The following HMGA2 variants were observed in gnomAD, a reference collection of about 807,000 sequenced individuals.
HMGA2 encodes high mobility group protein HMGI-C.
A neutral mutation model predicts 19.1 loss-of-function variants in HMGA2; 8 were observed. That is an observed-to-expected ratio of 0.42 (90% CI 0.25 to 0.76). The LOEUF (loss-of-function observed/expected upper bound fraction) is 0.76, where lower values mean the gene tolerates loss of function less well. Ranked by LOEUF, HMGA2 falls within the 30% of genes least tolerant of loss-of-function variation. The pLI is 0.28. For synonymous variants in HMGA2, 60 were observed against 48.8 expected (o/e 1.23, Z -0.96); for missense variants, 109 against 136.3 (o/e 0.80, Z 1.00).
intron 3 of HMGA2, among the ~76,000 whole-genome samples, chr12:65,894,563 A>G (rs1874045801): frequency 6.6e-6 from 1 of 152,228 alleles, no homozygotes; most frequent in Non-Finnish European, 1.5e-5. Context: ...AACTCTAATA[A>G]TAAAGCTTTT....
intron 3 of HMGA2, among the ~76,000 whole-genome samples, chr12:65,868,694 T>C (rs908663728): frequency 6.6e-6 from 1 of 152,204 alleles, no homozygotes; most frequent in Non-Finnish European, 1.5e-5. Flanking sequence ...AATCATGACA[T>C]AGCAGAAAAA....
intron 3 of HMGA2, among the ~76,000 whole-genome samples, chr12:65,919,792 A>G (rs1007636425): frequency 1.3e-5 from 2 of 152,252 alleles, no homozygotes; most frequent in African/African-American, 2.4e-5. Context: ...TTTTCACCAG[A>G]TGGTGTTCAG....
At position 65,965,187 on chromosome 12, in the gene HMGA2, A is replaced by G. The variant is rs1042735; in HGVS notation, c.*1895A>G. 1.0e-5 allele frequency: 2 copies of G among 200,176 alleles called. No homozygotes were observed. The highest frequency in any genetic ancestry group is 1.6e-4 in the East Asian group (2 of 12,800). 12.4% of individuals were successfully genotyped at this position (200,176 alleles called of 1,614,324 possible). ...TGAAGCTTTGTAGGTGAGATGCAAC[A>G]AGCCCTGCTTTTGCATAATGCAATC... On this transcript the variant is annotated 3_prime_UTR_variant, in exon 5 of 5. Transcript: ENST00000403681.
In HMGA2 at chr12:65,825,179, C is replaced by A. The variant is rs1870084593; in HGVS notation, c.-92C>A. 8.6e-7 allele frequency: 1 copy of A among 1,165,648 alleles called. No homozygotes were observed. Among genetic ancestry groups the A allele is most frequent in the Non-Finnish European group, 1.2e-6 (1 of 832,990 alleles). The allele number at this position is 1,165,648 out of a possible 1,614,324, so 72.2% of individuals were successfully genotyped here. On this transcript the variant is annotated 5_prime_UTR_variant, in exon 1 of 5. Coordinates refer to ENST00000403681, the MANE Select transcript of HMGA2 (RefSeq NM_003483.6). This position sits in a 1 kb window ranked among gnomAD's most constrained non-coding sequence, Gnocchi z 4.4. Reference sequence around the variant, plus strand: ...GCGCTCGCCCCGCCGGCGTCCCCAGCCCTATCACCTCATCTCCCGAAAGGT... The same window carrying A: ...GCGCTCGCCCCGCCGGCGTCCCCAGACCTATCACCTCATCTCCCGAAAGGT...
intron 3 of HMGA2, among the ~76,000 whole-genome samples, chr12:65,877,333 T>C (rs1873098112): frequency 2.0e-5 from 3 of 152,128 alleles, no homozygotes; most frequent in Non-Finnish European, 2.9e-5. Flanking sequence ...TTATTTGCCC[T>C]GTGGAAGTAG....
At chr12:65,918,409 A>T (rs1565732263) in intron 3 of HMGA2, among the ~76,000 whole-genome samples, 1 of 152,214 alleles carries the variant, frequency 6.6e-6, no homozygotes, top group African/African-American at 2.4e-5. Context: ...AGGGCTGGTG[A>T]GAAAACTTGG....
At position 65,914,613 on chromosome 12, in the gene HMGA2, T is replaced by C. The variant is rs373735018; in HGVS notation, c.250-36770T>C. On this transcript the variant is annotated intron_variant, in intron 3 of 4. Transcript: ENST00000403681. The stretch of plus-strand genomic sequence containing the variant: ...ACATATGTAACTAACCTGCACAATG[T>C]GCACATGTACCCTAAAACTTAAAGT... The C allele has an allele frequency of 4.8e-5, 13 of 271,482 alleles. No homozygotes were observed. In the East Asian group the frequency reaches 6.1e-4, roughly 13 times the overall value. The allele number at this position is 271,482 out of a possible 1,614,324, so 16.8% of individuals were successfully genotyped here. A position where few individuals can be genotyped will look rare whatever the true frequency, so the allele number is the denominator to read the frequency against.
At chr12:65,840,961 A>G (rs1870969630) in intron 3 of HMGA2, among the ~76,000 whole-genome samples, 1 of 152,138 alleles carries the variant, frequency 6.6e-6, no homozygotes, top group Non-Finnish European at 1.5e-5. Context: ...TCCATAGGTT[A>G]GAGTCCTGTC....
chr12:65,850,535 AAAAAAAGAC>A (rs1871417750), intron 3 of HMGA2, among the ~76,000 whole-genome samples: 2 of 151,928 alleles, frequency 1.3e-5, no homozygotes, highest in Non-Finnish European at 2.9e-5. Context: ...TTTTTACTAA[AAAAAAAGAC>A]TTTTCTGCTG....
chr12:65,917,980 A>G (rs1875169517), intron 3 of HMGA2, among the ~76,000 whole-genome samples: 1 of 152,236 alleles, frequency 6.6e-6, no homozygotes, highest in African/African-American at 2.4e-5. Flanking sequence ...GTAGTCAGTG[A>G]AAACATCCAG....
chr12:65,944,682 T>C (rs1180772193), intron 3 of HMGA2, among the ~76,000 whole-genome samples: 1 of 152,178 alleles, frequency 6.6e-6, no homozygotes, highest in African/African-American at 2.4e-5. Context: ...CTTATCTTGA[T>C]TGTATGGGAT....
In HMGA2 at chr12:65,828,107, G is replaced by T; in HGVS notation, c.198+20G>T. On this transcript the variant is annotated intron_variant, in intron 2 of 4. Coordinates refer to ENST00000403681, the MANE Select transcript of HMGA2 (RefSeq NM_003483.6). ...CAAAAGGTGAGATTTCTCAAGTCAA[G>T]CTCTCCTAACTTCATCAATGACTGA... 2.5e-6 allele frequency: 4 copies of T among 1,570,670 alleles called. No homozygotes were observed. The highest frequency in any genetic ancestry group is 3.5e-6 in the Non-Finnish European group (4 of 1,140,450).
chr12:65,825,125 C>CA lies in HMGA2; in HGVS notation c.-144dup. ...ATGGTGGCAGCGGCGGCAGCCTAAG[C>CA]AACAGCAGCCCTCGCAGCCCGCCAG... On this transcript the variant is annotated 5_prime_UTR_variant, in exon 1 of 5. Transcript: ENST00000403681. This position sits in a 1 kb window ranked among gnomAD's most constrained non-coding sequence, Gnocchi z 4.4. The CA allele has an allele frequency of 1.7e-6, 1 of 603,248 alleles. No homozygotes were observed. Among genetic ancestry groups the CA allele is most frequent in the Non-Finnish European group, 2.7e-6 (1 of 366,286 alleles). The allele number at this position is 603,248 out of a possible 1,614,324, so 37.4% of individuals were successfully genotyped here.
chr12:65,934,801 A>C (rs997403055), intron 3 of HMGA2: 1 of 152,152 alleles, frequency 6.6e-6, no homozygotes, highest in Non-Finnish European at 1.5e-5. Context: ...CTCCCTGAAG[A>C]CCCTGCATGA....
chr12:65,897,315 T>C (rs1453101326), intron 3 of HMGA2, among the ~76,000 whole-genome samples: 1 of 152,232 alleles, frequency 6.6e-6, no homozygotes, highest in Non-Finnish European at 1.5e-5. Context: ...AACACTGTTT[T>C]TTTGATGAAA....
At chr12:65,846,936 C>G (rs1339339423) in intron 3 of HMGA2, among the ~76,000 whole-genome samples, 1 of 152,144 alleles carries the variant, frequency 6.6e-6, no homozygotes, top group Non-Finnish European at 1.5e-5. Context: ...AATTAAATTA[C>G]AGTTTTCAAG....
chr12:65,964,166 A>T lies in HMGA2; in HGVS notation c.*874A>T, dbSNP rs80299335. Reference sequence around the variant, plus strand: ...TTAAGGAAACTAGACAAGTAAAATTATCCTCTTTGTAATTTAATGAAAAGG... The same window carrying T: ...TTAAGGAAACTAGACAAGTAAAATTTTCCTCTTTGTAATTTAATGAAAAGG... On this transcript the variant is annotated 3_prime_UTR_variant, in exon 5 of 5. Coordinates refer to ENST00000403681, the MANE Select transcript of HMGA2 (RefSeq NM_003483.6). The T allele has an allele frequency of 0.033, 6,648 of 204,094 alleles. 164 individuals carry two copies. The highest frequency in any genetic ancestry group is 0.057 in the Middle Eastern group (35 of 612). The allele number at this position is 204,094 out of a possible 1,614,324, so 12.6% of individuals were successfully genotyped here. A position where few individuals can be genotyped will look rare whatever the true frequency, so the allele number is the denominator to read the frequency against.
At chr12:65,913,462 C>G (rs1592441184) in intron 3 of HMGA2, among the ~76,000 whole-genome samples, 1 of 152,184 alleles carries the variant, frequency 6.6e-6, no homozygotes, top group African/African-American at 2.4e-5. Flanking sequence ...CTTATTTCTT[C>G]AGAGCCCATT....
chr12:65,912,196 A>T (rs1874875524), intron 3 of HMGA2, among the ~76,000 whole-genome samples: 1 of 152,220 alleles, frequency 6.6e-6, no homozygotes, highest in African/African-American at 2.4e-5. Context: ...TTAAATTTTT[A>T]AATTTATGCA....
Sources: gnomAD v4.1 joint callset for allele counts (sites outside exome capture counted in the v4.1 genomes callset) on GRCh38, gnomAD v4.1.1 for gene constraint, Gnocchi (gnomAD v3.1) non-coding constraint, MANE v1.5 for transcripts, NCBI Gene and HGNC (gene_info 2026-07-23, HGNC 2026-07-21) for gene names.